Variants in MYO19 observed in about 807,000 individuals in gnomAD.
The protein encoded by MYO19 is unconventional myosin-XIX.
A neutral mutation model predicts 129.2 loss-of-function variants in MYO19; 132 were observed. That is an observed-to-expected ratio of 1.02 (90% CI 0.89 to 1.18). The LOEUF (loss-of-function observed/expected upper bound fraction) is 1.18. MYO19 is among the 50% of genes most tolerant of loss of function. The probability of loss-of-function intolerance (pLI) is 0.00; values close to 1 mark genes in which losing one functional copy is unlikely to be tolerated. For missense variants in MYO19, 1,210 were observed against 1,216.7 expected (o/e 0.99, Z 0.08); for synonymous variants, 531 against 477.2 (o/e 1.11, Z -1.47).
At chr17:36,521,262 C>T (rs903861527) in intron 6 of MYO19, among the ~76,000 whole-genome samples, 31 of 152,166 alleles carry the variant, frequency 2.0e-4, no homozygotes, top group African/African-American at 5.3e-4. Context: ...TTGTTTAATG[C>T]CTTATTTTAA....
intron 11 of MYO19, among the ~76,000 whole-genome samples, chr17:36,512,093 G>C (rs368745353): frequency 6.6e-6 from 1 of 152,084 alleles, no homozygotes; most frequent in Non-Finnish European, 1.5e-5. Flanking sequence ...GCACACGCTT[G>C]TAATTCCAGC....
In MYO19 at chr17:36,500,911, G is replaced by A. The variant is rs550222182; in HGVS notation, c.2296C>T (p.Arg766Cys). 2.6e-5 allele frequency: 42 copies of A among 1,610,084 alleles called. No individual in the cohort carries two copies. Among genetic ancestry groups the A allele is most frequent in the East Asian group, 2.0e-4 (9 of 44,830 alleles). The change falls in exon 23 of 26, where the codon CGC (arginine) becomes TGC (cysteine). Residue 766 changes from arginine to cysteine, a missense_variant. By Grantham distance (180) the Arg-to-Cys change is radical. Transcript: ENST00000614623. ...CGCCTCCAGCCACCCTGGATGCAGC[G>A]GGCACACTGCTCCAGCACCCGGGCA... is the stretch of plus-strand genomic sequence containing the variant. Reference protein sequence around the residue: ...GRARVLEQCARCIQGGWRRHR... With the variant: ...GRARVLEQCACCIQGGWRRHR...
chr17:36,542,181 A>C (rs903271168), intron 1 of MYO19: 1 of 152,188 alleles, frequency 6.6e-6, no homozygotes, highest in Non-Finnish European at 1.5e-5. Flanking sequence ...AGACAAACCC[A>C]AATTAGGGAA....
At chr17:36,512,570 A>AC in intron 11 of MYO19, 1 of 1,217,252 alleles carries the variant, frequency 8.2e-7, no homozygotes, top group South Asian at 1.4e-5. Context: ...GGTCATGCCC[A>AC]CCCCCAAAGC....
In MYO19 at chr17:36,512,839, G is replaced by GC. The variant is rs1012147594; in HGVS notation, c.894+589dup. 9.6e-6 allele frequency: 12 copies of GC among 1,246,702 alleles called. No individual in the cohort carries two copies. The African/African-American group carries it at 1.5e-4, about 16-fold the overall frequency. The allele number at this position is 1,246,702 out of a possible 1,614,324, so 77.2% of individuals were successfully genotyped here. On this transcript the variant is annotated intron_variant, in intron 11 of 25. Transcript: ENST00000614623. ...CTCTGTCAGCAAAGACAGAAGGGAG[G>GC]CCCCCCTAGTGTGACTGAGAGGAGC...
chr17:36,510,317 AATCT>A lies in MYO19; in HGVS notation c.1157+425_1157+428del, dbSNP rs2072228920. 4.6e-5 allele frequency among the ~76,000 whole-genome samples: 7 copies of A among 152,336 alleles called. No individual in the cohort carries two copies. In the South Asian group the frequency reaches 1.4e-3, roughly 32 times the overall value. The stretch of plus-strand genomic sequence containing the variant: ...TGGGCTGAGCCTCTGGCTTTACCAC[AATCT>A]ATCAAACTCCTAGGTGATGTACAAA... On this transcript the variant is annotated intron_variant, in intron 13 of 25. Transcript: ENST00000614623.
intron 4 of MYO19, 59 bp downstream of exon 4, chr17:36,528,005 C>A: frequency 6.3e-7 from 1 of 1,580,420 alleles, no homozygotes; most frequent in Non-Finnish European, 8.6e-7. Context: ...GTGCTGACTA[C>A]TCTCATTACA....
chr17:36,537,064 A>C, upstream of MYO19: 1 of 1,524,032 alleles, frequency 6.6e-7, no homozygotes, highest in Non-Finnish European at 8.8e-7. Context: ...TGCTTTTCAC[A>C]AATCCATTCC....
intron 5 of MYO19, among the ~76,000 whole-genome samples, chr17:36,525,583 T>C (rs2073414401): frequency 6.6e-6 from 1 of 152,230 alleles, no homozygotes; most frequent in Admixed American, 6.5e-5. Flanking sequence ...ATTAACACTT[T>C]ATACCCCCAT....
At chr17:36,510,066 C>T (rs2072212075) in intron 13 of MYO19, 1 of 152,282 alleles carries the variant, frequency 6.6e-6, no homozygotes, top group African/African-American at 2.4e-5. Flanking sequence ...AGGGGACCCT[C>T]TCCCCAGAAA....
intron 24 of MYO19, 174 bp from the exon 25 acceptor site, chr17:36,498,733 C>T: frequency 1.5e-6 from 1 of 668,004 alleles, no homozygotes; most frequent in Non-Finnish European, 2.5e-6. Flanking sequence ...AGTCTATACA[C>T]CCCAGGCAAC....
rs557790708 is a variant in MYO19 at position 36,542,471 on chromosome 17, G to A, written n.311-306C>T. 3.3e-5 allele frequency among the ~76,000 whole-genome samples: 5 copies of A among 152,098 alleles called. No homozygotes were observed. In the South Asian group the frequency reaches 1.0e-3, roughly 32 times the overall value. On this transcript the variant is annotated intron_variant and non_coding_transcript_variant, in intron 1 of 2. Transcript: ENST00000610496. ...TCCCAGCACTTTGGGAGGCCGAGGC[G>A]GGCGGATCAAGAGGTCAGGAGATCA...
In MYO19 at chr17:36,528,569, G is replaced by A. The variant is rs184814606; in HGVS notation, c.13-367C>T. 2.8e-4 allele frequency among the ~76,000 whole-genome samples: 43 copies of A among 151,970 alleles called. No individual in the cohort carries two copies. The East Asian group carries it at 6.4e-3, about 23-fold the overall frequency. On this transcript the variant is annotated intron_variant, in intron 3 of 25. Transcript: ENST00000614623. The stretch of plus-strand genomic sequence containing the variant: ...CGACAGCTGGTACTCAAAACAGCTG[G>A]CAGCTACAGAAGGGTGGGAACCTGT...
At chr17:36,527,508 A>C (rs1364237405) in intron 5 of MYO19, 43 bp downstream of exon 5, 2 of 1,595,974 alleles carry the variant, frequency 1.3e-6, no homozygotes, top group African/African-American at 2.7e-5. Flanking sequence ...GTTTAGCGGG[A>C]GGTAGAGGAG....
At chr17:36,506,810 G>A in intron 17 of MYO19, 153 bp downstream of exon 17, 1 of 1,117,874 alleles carries the variant, frequency 8.9e-7, no homozygotes, top group East Asian at 2.7e-5. Context: ...GATTAGTGGA[G>A]ACCTCAGACA....
At chr17:36,497,320 GAAAA>G (rs112241229) in intron 25 of MYO19, among the ~76,000 whole-genome samples, 3 of 132,556 alleles carry the variant, frequency 2.3e-5, no homozygotes, top group South Asian at 2.5e-4. Context: ...TAAATAACAT[GAAAA>G]AAAAAAAAAA....
In MYO19 at chr17:36,496,190, T is replaced by G. The variant is rs2142576730; in HGVS notation, c.*61A>C. ...AATAGTCTGGCAGCTGTGTGCTGAT[T>G]AAATGTCTTTGGCAAGGCAGGGGGC... On this transcript the variant is annotated 3_prime_UTR_variant, in exon 26 of 26. Coordinates refer to ENST00000614623, the MANE Select transcript of MYO19 (RefSeq NM_001163735.2). The G allele has an allele frequency of 2.5e-6, 4 of 1,596,398 alleles. No homozygotes were observed. The highest frequency in any genetic ancestry group is 2.2e-5 in the East Asian group (1 of 44,716).
intron 6 of MYO19, among the ~76,000 whole-genome samples, chr17:36,522,850 C>T (rs1348109827): frequency 6.6e-6 from 1 of 151,622 alleles, no homozygotes; most frequent in Non-Finnish European, 1.5e-5. Flanking sequence ...ACTAAAAATA[C>T]AAAAAATTAG....
chr17:36,538,366 A>T (rs1567809560), upstream of MYO19: 1 of 1,614,196 alleles, frequency 6.2e-7, no homozygotes, highest in African/African-American at 1.3e-5. Flanking sequence ...ACAAATAAAA[A>T]GCATTCAGAA....
Sources: allele counts gnomAD v4.1 joint callset (sites outside exome capture counted in the v4.1 genomes callset), GRCh38; gene constraint gnomAD v4.1.1; transcripts MANE v1.5; gene names NCBI Gene and HGNC (gene_info 2026-07-23, HGNC 2026-07-21).